The following RPS6KA2 variants were observed in gnomAD, a reference collection of about 807,000 sequenced individuals.
RPS6KA2 encodes the protein ribosomal protein S6 kinase A2.
RPS6KA2 carries 42 observed loss-of-function variants against 91.8 expected under a neutral mutation model. That is an observed-to-expected ratio of 0.46 (90% CI 0.36 to 0.59). RPS6KA2 has a LOEUF of 0.59. Ranked by LOEUF, RPS6KA2 falls within the 20% of genes least tolerant of loss-of-function variation. The pLI, the probability that RPS6KA2 is intolerant of heterozygous loss-of-function variation, is 0.00. For missense variants in RPS6KA2, 798 were observed against 978.5 expected (o/e 0.82, Z 2.46); for synonymous variants, 414 against 393.6 (o/e 1.05, Z -0.61).
In RPS6KA2 at chr6:166,412,861, A is replaced by T; in HGVS notation, c.2103T>A (p.Ala701=). 4 of 1,564,044 alleles carry T rather than the reference A, an allele frequency of 2.6e-6. No individual in the cohort carries two copies. The highest frequency in any genetic ancestry group is 3.5e-6 in the Non-Finnish European group (4 of 1,153,882). ...VKGAMAATYF[A]LNRTPQAPRL... ...GCGGGGCCTGAGGTGTTCTGTTTAG[A>T]GCAAAGTAGGTGGCGGCCATCGCGC... Residue 701 remains alanine, a synonymous_variant, in exon 21 of 21, where the codon GCT becomes GCA. Coordinates refer to ENST00000265678, the MANE Select transcript of RPS6KA2 (RefSeq NM_021135.6). This position sits in a 1 kb window ranked among gnomAD's most constrained non-coding sequence, Gnocchi z 4.3.
At position 166,626,885 on chromosome 6, in the gene RPS6KA2, C is replaced by T. The variant is rs1786900452; in HGVS notation, c.99+36G>A. The T allele has an allele frequency of 3.5e-6, 5 of 1,443,428 alleles. No individual in the cohort carries two copies. Among genetic ancestry groups the T allele is most frequent in the South Asian group, 1.4e-5 (1 of 72,086 alleles). The allele number at this position is 1,443,428 out of a possible 1,614,324, so 89.4% of individuals were successfully genotyped here. A position where few individuals can be genotyped will look rare whatever the true frequency, so the allele number is the denominator to read the frequency against. ...TCGGGCGACCACGGCCCGCTCAGTG[C>T]CCGGCACCTGCGCGCCCCGAGGGCG... is the stretch of plus-strand genomic sequence containing the variant. On this transcript the variant is annotated intron_variant, in intron 1 of 20. Coordinates refer to ENST00000265678, the MANE Select transcript of RPS6KA2 (RefSeq NM_021135.6). This position sits in a 1 kb window ranked among gnomAD's most constrained non-coding sequence, Gnocchi z 4.1.
chr6:166,740,083 G>A (rs552369831), intron 2 of RPS6KA2, among the ~76,000 whole-genome samples: 1 of 152,226 alleles, frequency 6.6e-6, no homozygotes, highest in East Asian at 1.9e-4. Flanking sequence ...GCTGGTCCCT[G>A]AGCATTCTCT....
intron 3 of RPS6KA2, among the ~76,000 whole-genome samples, chr6:166,520,652 G>A (rs891988210): frequency 2.0e-5 from 3 of 152,232 alleles, no homozygotes; most frequent in Admixed American, 2.0e-4. Flanking sequence ...ATGGGTAGAG[G>A]TTGGAAGAGT....
At chr6:166,835,452 C>T (rs1373291637) in intron 2 of RPS6KA2, among the ~76,000 whole-genome samples, 2 of 152,150 alleles carry the variant, frequency 1.3e-5, no homozygotes, top group African/African-American at 4.8e-5. Flanking sequence ...CCTTTAAGCT[C>T]TCAGCCATGT....
chr6:166,432,994 CAAAAAAA>C, intron 14 of RPS6KA2, among the ~76,000 whole-genome samples: 1 of 82,764 alleles, frequency 1.2e-5, no homozygotes, highest in South Asian at 4.7e-4. Flanking sequence ...GACTCTGTCT[CAAAAAAA>C]AAAAAAAAAA....
intron 5 of RPS6KA2, among the ~76,000 whole-genome samples, chr6:166,507,463 A>G (rs917520737): frequency 6.2e-5 from 9 of 145,192 alleles, no homozygotes; most frequent in Non-Finnish European, 1.4e-4. Context: ...ACATACACAC[A>G]CCCTACATAG....
chr6:166,562,747 G>A (rs11964118), intron 1 of RPS6KA2, among the ~76,000 whole-genome samples: 4,923 of 152,286 alleles, frequency 0.032, 268 homozygotes, highest in African/African-American at 0.11. Context: ...CCAGGTGCTG[G>A]AAGTCTCCAG....
At chr6:166,487,460 T>C (rs533183185) in intron 10 of RPS6KA2, among the ~76,000 whole-genome samples, 6 of 152,130 alleles carry the variant, frequency 3.9e-5, no homozygotes, top group South Asian at 2.1e-4. Context: ...CTGTGTTGTG[T>C]GGAAGAATGA....
At chr6:166,559,661 T>A (rs951730207) in intron 1 of RPS6KA2, among the ~76,000 whole-genome samples, 1 of 152,306 alleles carries the variant, frequency 6.6e-6, no homozygotes, top group East Asian at 1.9e-4. Flanking sequence ...TTGAGTAATA[T>A]GGTCTGGCCT....
chr6:166,581,173 G>A (rs923056357), intron 1 of RPS6KA2, among the ~76,000 whole-genome samples: 1 of 152,120 alleles, frequency 6.6e-6, no homozygotes, highest in African/African-American at 2.4e-5. Flanking sequence ...TTATAGGCTT[G>A]AGCCACTGTG....
chr6:166,516,618 G>A (rs1782650859), intron 3 of RPS6KA2, among the ~76,000 whole-genome samples: 1 of 152,246 alleles, frequency 6.6e-6, no homozygotes, highest in South Asian at 2.1e-4. Context: ...CGTGGGCTCT[G>A]CCACGCCCTA....
In RPS6KA2 at chr6:166,459,218, C is replaced by G. The variant is rs1008600203; in HGVS notation, c.1075+231G>C. Among the ~76,000 whole-genome samples the G allele has an allele frequency of 6.6e-6, 1 of 152,092 alleles. No homozygotes were observed. The highest frequency in any genetic ancestry group is 6.6e-5 in the Admixed American group (1 of 15,258). ...GGACCGGTGTCTTGGAATAAGGATA[C>G]CTTCATCATTTCCAAGGTGGAGGTT... is the stretch of plus-strand genomic sequence containing the variant. On this transcript the variant is annotated intron_variant, in intron 12 of 20. Transcript: ENST00000265678. This position sits in a 1 kb window ranked among gnomAD's most constrained non-coding sequence, Gnocchi z 4.9.
chr6:166,582,355 A>G (rs1785048503), intron 1 of RPS6KA2, among the ~76,000 whole-genome samples: 1 of 152,242 alleles, frequency 6.6e-6, no homozygotes, highest in Non-Finnish European at 1.5e-5. Context: ...TTGACCATGA[A>G]TGTGTTCAAC....
chr6:166,716,954 C>T (rs908273472), intron 2 of RPS6KA2, among the ~76,000 whole-genome samples: 3 of 152,222 alleles, frequency 2.0e-5, no homozygotes, highest in African/African-American at 7.2e-5. Flanking sequence ...ACGTACAGAA[C>T]TCACACAAAT....
chr6:166,823,474 TAAAGG>T (rs1232256511), intron 2 of RPS6KA2, among the ~76,000 whole-genome samples: 3 of 140,030 alleles, frequency 2.1e-5, no homozygotes, highest in Non-Finnish European at 4.7e-5. Context: ...TGTGTGTGTG[TAAAGG>T]GTGACCTTAT....
At position 166,732,888 on chromosome 6, in the gene RPS6KA2, A is replaced by C. The variant is rs1473457557; in HGVS notation, c.123+125312T>G. Reference sequence around the variant, plus strand: ...CTGCTCTGGTTCAAGTTGGTGTTCAAATAAAAGTAAGTCACAACAAAACAA... The same window carrying C: ...CTGCTCTGGTTCAAGTTGGTGTTCACATAAAAGTAAGTCACAACAAAACAA... On this transcript the variant is annotated intron_variant, in intron 2 of 21. Transcript: ENST00000503859. This position sits in a 1 kb window ranked among gnomAD's most constrained non-coding sequence, Gnocchi z 4.0. Among the ~76,000 whole-genome samples, 1 of 142,462 alleles carries C rather than the reference A, an allele frequency of 7.0e-6. No homozygotes were observed. The highest frequency in any genetic ancestry group is 3.1e-5 in the African/African-American group (1 of 32,270). The allele number at this position is 142,462 out of a possible 152,430, so 93.5% of individuals were successfully genotyped here. A position where few individuals can be genotyped will look rare whatever the true frequency, so the allele number is the denominator to read the frequency against.
At chr6:166,707,244 A>ACGGCAGCC (rs1330833379) in intron 2 of RPS6KA2, among the ~76,000 whole-genome samples, 1 of 152,234 alleles carries the variant, frequency 6.6e-6, no homozygotes, top group Non-Finnish European at 1.5e-5. Context: ...GTGCAGATGG[A>ACGGCAGCC]CGGCAGCCCG....
At chr6:166,772,901 T>TCC (rs1778515386) in intron 2 of RPS6KA2, among the ~76,000 whole-genome samples, 1 of 152,182 alleles carries the variant, frequency 6.6e-6, no homozygotes, top group Admixed American at 6.5e-5. Flanking sequence ...TGTTGTTAAC[T>TCC]CCCCTGAATT....
In RPS6KA2 at chr6:166,430,591, A is replaced by G. The variant is rs1425965701; in HGVS notation, c.1443T>C (p.Phe481=). 1 of 1,613,662 alleles carries G rather than the reference A, an allele frequency of 6.2e-7. No individual in the cohort carries two copies. ...GCATCAGCTCCATTACCAGGTACAC[A>G]AACTTGCCATCATCATAGACCTGCG... ...TLKDVYDDGK[F]VYLVMELMRG... is the part of the protein sequence containing the mutation. The change falls in exon 16 of 21, where the codon TTT becomes TTC. Residue 481 remains phenylalanine (F), a synonymous_variant. Transcript: ENST00000265678.
Sources: gnomAD v4.1 joint callset for allele counts (sites outside exome capture counted in the v4.1 genomes callset) on GRCh38, gnomAD v4.1.1 for gene constraint, Gnocchi (gnomAD v3.1) non-coding constraint, MANE v1.5 for transcripts, NCBI Gene and HGNC (gene_info 2026-07-23, HGNC 2026-07-21) for gene names.